The following RIMBP2 variants were observed in gnomAD, a reference collection of about 807,000 sequenced individuals.
RIMBP2 encodes the protein RIMS binding protein 2.
Under a neutral mutation model 118.6 loss-of-function variants are expected in RIMBP2, and 48 were observed. That is an observed-to-expected ratio of 0.40 (90% CI 0.32 to 0.51). The LOEUF is 0.51. Ranked by LOEUF, RIMBP2 falls within the 20% of genes least tolerant of loss-of-function variation. The pLI, the probability that RIMBP2 is intolerant of heterozygous loss-of-function variation, is 0.41. For missense variants in RIMBP2, 1,551 were observed against 1,768.3 expected, an observed-to-expected ratio of 0.88 and a Z score of 2.20; for synonymous variants, 762 against 742.9, an observed-to-expected ratio of 1.03 and a Z score of -0.42.
At chr12:130,493,090 T>C (rs143199717) in intron 4 of RIMBP2, among the ~76,000 whole-genome samples, 326 of 152,164 alleles carry the variant, frequency 2.1e-3, no homozygotes, top group African/African-American at 7.5e-3. Context: ...TGAGCCTAGA[T>C]AACGCACTGC....
At chr12:130,519,202 C>A (rs147923006) in intron 2 of RIMBP2, among the ~76,000 whole-genome samples, 1 of 152,248 alleles carries the variant, frequency 6.6e-6, no homozygotes, top group African/African-American at 2.4e-5. Context: ...AGGCTCCATT[C>A]ACACATCAGA....
chr12:130,464,830 G>T (rs1339380486), intron 6 of RIMBP2, among the ~76,000 whole-genome samples: 1 of 152,202 alleles, frequency 6.6e-6, no homozygotes, highest in African/African-American at 2.4e-5. Context: ...ACTGGCCCAG[G>T]GGTCACCCAG....
At chr12:130,543,595 G>T (rs1385064363) in intron 2 of RIMBP2, among the ~76,000 whole-genome samples, 3 of 152,058 alleles carry the variant, frequency 2.0e-5, no homozygotes. Flanking sequence ...ATATGAAGAT[G>T]CCTCACGAGG....
At chr12:130,650,972 A>AAG (rs1566427814) in intron 1 of RIMBP2, among the ~76,000 whole-genome samples, 1 of 149,366 alleles carries the variant, frequency 6.7e-6, no homozygotes, top group African/African-American at 2.4e-5. Flanking sequence ...AAAAAAAAAA[A>AAG]AAAAGAAAGA....
intron 1 of RIMBP2, among the ~76,000 whole-genome samples, chr12:130,672,391 C>A (rs982746259): frequency 6.6e-6 from 1 of 152,210 alleles, no homozygotes; most frequent in Non-Finnish European, 1.5e-5. Flanking sequence ...CGCTTCACAG[C>A]GGTAGGGTGG....
chr12:130,399,482 C>CT (rs1230882115), intron 22 of RIMBP2, among the ~76,000 whole-genome samples, 197 bp downstream of exon 22: 5 of 151,952 alleles, frequency 3.3e-5, no homozygotes, highest in Non-Finnish European at 7.4e-5. Context: ...TTGAAAGGGT[C>CT]TTTTTTTGTA....
Position 130,424,149 on chromosome 12 carries a change from C to A in RIMBP2, c.3122G>T (p.Gly1041Val), listed in dbSNP as rs2076603926. The A allele has an allele frequency of 3.3e-6, 4 of 1,230,348 alleles. No homozygotes were observed. Among genetic ancestry groups the A allele is most frequent in the Non-Finnish European group, 4.1e-6 (4 of 986,500 alleles). 76.2% of individuals were successfully genotyped at this position (1,230,348 alleles called of 1,614,324 possible). A position where few individuals can be genotyped will look rare whatever the true frequency, so the allele number is the denominator to read the frequency against. ...HAKPPPRVAQ[G>V]PLILGNPASA... is the part of the protein sequence containing the mutation. Reference sequence around the variant, plus strand: ...GAAGTTTAGGTCACACACCAGGGGGCCTTGTGCGACTCTGGGAGGTGGCTT... The same window carrying A: ...GAAGTTTAGGTCACACACCAGGGGGACTTGTGCGACTCTGGGAGGTGGCTT... The change falls in exon 16 of 23, where the codon GGC (glycine) becomes GTC (valine). Residue 1041 changes from glycine (G) to valine (V), a missense_variant. By Grantham distance (109) the Gly-to-Val change is moderately radical. This residue lies in a region of RIMBP2 where 1,038 missense variants were observed against 1,125.1 expected (regional missense o/e 0.92). Coordinates refer to ENST00000690449, the MANE Select transcript of RIMBP2 (RefSeq NM_001393629.1). The surrounding 1 kb of genome is among the most constrained non-coding windows in gnomAD (Gnocchi z 9.8).
intron 17 of RIMBP2, among the ~76,000 whole-genome samples, chr12:130,418,012 A>AG (rs1478275699): frequency 2.0e-5 from 3 of 152,226 alleles, no homozygotes; most frequent in Admixed American, 6.5e-5. Flanking sequence ...CTTCTGTCCC[A>AG]GCACGAGGAA....
chr12:130,416,013 G>A (rs1008558997), intron 17 of RIMBP2, among the ~76,000 whole-genome samples: 3 of 151,686 alleles, frequency 2.0e-5, no homozygotes, highest in South Asian at 2.1e-4. Context: ...AAGACACACA[G>A]AATGTACCTA....
chr12:130,466,392 G>A (rs942995032), intron 6 of RIMBP2: 11 of 152,150 alleles, frequency 7.2e-5, no homozygotes, highest in African/African-American at 2.4e-4. Flanking sequence ...GTACTCCTGG[G>A]ACCTCAGGAC....
At chr12:130,526,682 G>T (rs746421975) in intron 2 of RIMBP2, among the ~76,000 whole-genome samples, 1 of 151,998 alleles carries the variant, frequency 6.6e-6, no homozygotes, top group Non-Finnish European at 1.5e-5. Context: ...ATTACATTAT[G>T]AATTATAAAT....
chr12:130,648,101 G>A (rs1007211269), intron 1 of RIMBP2, among the ~76,000 whole-genome samples: 1 of 143,576 alleles, frequency 7.0e-6, no homozygotes, highest in African/African-American at 2.5e-5. Flanking sequence ...GATCATCACC[G>A]AGCAGATACA....
chr12:130,652,720 C>T (rs1317905558), intron 1 of RIMBP2, among the ~76,000 whole-genome samples: 1 of 152,150 alleles, frequency 6.6e-6, no homozygotes, highest in South Asian at 2.1e-4. Context: ...TTAATTGGCT[C>T]ATGGTTCTGC....
chr12:130,501,827 C>T (rs1211429631), intron 4 of RIMBP2, among the ~76,000 whole-genome samples: 2 of 152,198 alleles, frequency 1.3e-5, no homozygotes, highest in African/African-American at 2.4e-5. Flanking sequence ...CTGGGCAAAG[C>T]CAAGAACCCT....
At chr12:130,580,028 CAAAAAAA>C (rs55653381) in intron 2 of RIMBP2, among the ~76,000 whole-genome samples, 8 of 116,528 alleles carry the variant, frequency 6.9e-5, no homozygotes, top group Middle Eastern at 4.5e-3. Context: ...ACCAAAAATA[CAAAAAAA>C]AAAAAAAAAA....
chr12:130,554,175 G>A (rs566426864), intron 2 of RIMBP2, among the ~76,000 whole-genome samples: 5 of 152,264 alleles, frequency 3.3e-5, no homozygotes, highest in Admixed American at 6.5e-5. Flanking sequence ...CAGGAATCCC[G>A]ACTTCAATTT....
At position 130,576,811 on chromosome 12, in the gene RIMBP2, A is replaced by C. The variant is rs141470597; in HGVS notation, c.-217+51511T>G. On this transcript the variant is annotated intron_variant, in intron 2 of 22. Transcript: ENST00000690449. The surrounding 1 kb of genome is among the most constrained non-coding windows in gnomAD (Gnocchi z 4.2). ...CGAATCACACCAGGATGGAGATTGC[A>C]GGATGGCGTGTTTCCATCGCGTGTC... 8.4e-4 allele frequency among the ~76,000 whole-genome samples: 128 copies of C among 152,348 alleles called. No homozygotes were observed. The highest frequency in any genetic ancestry group is 2.9e-3 in the African/African-American group (122 of 41,590).
At position 130,581,613 on chromosome 12, in the gene RIMBP2, G is replaced by A. The variant is rs917863189; in HGVS notation, c.-217+46709C>T. The stretch of plus-strand genomic sequence containing the variant: ...TCGCGGCTCAGGCCTCAGACCTGTC[G>A]CCTTCCTTCCTCTGTTCTCTTTGTC... On this transcript the variant is annotated intron_variant, in intron 2 of 22. Transcript: ENST00000690449. This position sits in a 1 kb window ranked among gnomAD's most constrained non-coding sequence, Gnocchi z 4.4. 3.9e-5 allele frequency among the ~76,000 whole-genome samples: 6 copies of A among 152,174 alleles called. No homozygotes were observed. The highest frequency in any genetic ancestry group is 1.3e-4 in the Admixed American group (2 of 15,284).
chr12:130,433,009 A>G (rs1443913608), intron 14 of RIMBP2, among the ~76,000 whole-genome samples: 3 of 152,188 alleles, frequency 2.0e-5, no homozygotes, highest in African/African-American at 7.2e-5. Context: ...CCTGGCTGGC[A>G]TGGCTGCTCT....
Sources: allele counts gnomAD v4.1 joint callset (sites outside exome capture counted in the v4.1 genomes callset), GRCh38; gene constraint gnomAD v4.1.1; regional missense constraint gnomAD v4.1.1; non-coding constraint Gnocchi (gnomAD v3.1); transcripts MANE v1.5; gene names NCBI Gene and HGNC (gene_info 2026-07-23, HGNC 2026-07-21).